The following C1QTNF12 variants were observed in gnomAD, a reference collection of about 807,000 sequenced individuals.
The protein encoded by C1QTNF12 is adipolin.
In C1QTNF12, 39 loss-of-function variants were observed where a neutral mutation model predicts 34.3. The observed-to-expected ratio is 1.14, with a 90% CI of 0.88 to 1.49. The LOEUF is 1.49. Among genes scored for constraint, C1QTNF12 ranks in the 40% most tolerant of loss-of-function variants. C1QTNF12 has a pLI of 0.00. For synonymous variants in C1QTNF12, 220 were observed against 196.9 expected, an observed-to-expected ratio of 1.12 and a Z score of -0.98; for missense variants, 497 against 424.7, an observed-to-expected ratio of 1.17 and a Z score of -1.50.
At position 1,243,432 on chromosome 1, in the gene C1QTNF12, C is replaced by T. The variant is rs1213563783; in HGVS notation, c.640+12G>A. The T allele has an allele frequency of 6.5e-7, 1 of 1,548,894 alleles. No individual in the cohort carries two copies. Among genetic ancestry groups the T allele is most frequent in the Admixed American group, 2.0e-5 (1 of 51,190 alleles). On this transcript the variant is annotated intron_variant, in intron 5 of 7. Transcript: ENST00000330388. ...CCCGTCACAGCACACGGCACTGCCC[C>T]ATCCGGCTCACCCACGTGCAGACTG...
chr1:1,243,874 G>T, intron 4 of C1QTNF12, 80 bp downstream of exon 4: 2 of 1,477,656 alleles, frequency 1.4e-6, no homozygotes, highest in Non-Finnish European at 9.2e-7. Flanking sequence ...TGCCCCATGA[G>T]TGTCAGGCGG....
rs1309090753 is a variant in C1QTNF12 at position 1,244,219 on chromosome 1, CAG to C, written c.349_350del (p.Leu117AlafsTer100). 5 of 1,595,196 alleles carry C rather than the reference CAG, an allele frequency of 3.1e-6. No individual in the cohort carries two copies. In the African/African-American group the frequency reaches 6.7e-5, roughly 21 times the overall value. On this transcript the variant is annotated frameshift_variant, in exon 3 of 8. Transcript: ENST00000330388. LOFTEE classifies it high-confidence loss of function. Reference sequence around the variant, plus strand: ...TCAGCAGCTCCTGAAACTCGTGAAGCAGAGTCTCCGCGGTCACTTCTGCACCT... The same window carrying C: ...TCAGCAGCTCCTGAAACTCGTGAAGCAGTCTCCGCGGTCACTTCTGCACCT... ...PPGAEVTAETLLHEFQELLKE... is the reference protein window; with the variant it reads ...PPGAEVTAETXLHEFQELLKE...
upstream of C1QTNF12, chr1:1,246,778 G>A (rs886770881): frequency 7.8e-6 from 8 of 1,030,338 alleles, no homozygotes; most frequent in Non-Finnish European, 9.8e-6. The surrounding 1 kb of genome is among the most constrained non-coding windows in gnomAD (Gnocchi z 4.5). Flanking sequence ...CCCCGCGCGG[G>A]GGCGAGGCCC....
rs1166704974 is a variant in C1QTNF12, at chr1:1,246,599, C to G, written c.92G>C (p.Arg31Thr). ...GGVGARREAQ[R>T]TQQPGQRADP... is the part of the protein sequence containing the mutation. ...TGCGCGCTGGCCAGGCTGCTGCGTCCTCTGTGCCTCCCGCCGGGCCCCGAC... is the reference window on the plus strand; with the variant it reads ...TGCGCGCTGGCCAGGCTGCTGCGTCGTCTGTGCCTCCCGCCGGGCCCCGAC... Residue 31 changes from arginine (R) to threonine (T), a missense_variant, in exon 1 of 8, where the codon AGG becomes ACG. Arg to Thr is a moderately conservative substitution (Grantham distance 71). Coordinates refer to ENST00000330388, the MANE Select transcript of C1QTNF12 (RefSeq NM_001014980.3). The surrounding 1 kb of genome is among the most constrained non-coding windows in gnomAD (Gnocchi z 4.5). 8.8e-6 allele frequency: 11 copies of G among 1,247,716 alleles called. No homozygotes were observed. The highest frequency in any genetic ancestry group is 1.1e-5 in the Non-Finnish European group (11 of 996,564). 77.3% of individuals were successfully genotyped at this position (1,247,716 alleles called of 1,614,324 possible).
upstream of C1QTNF12, chr1:1,246,811 G>A (rs1638905744): frequency 2.9e-6 from 2 of 692,880 alleles, no homozygotes; most frequent in Non-Finnish European, 3.9e-6. This position sits in a 1 kb window ranked among gnomAD's most constrained non-coding sequence, Gnocchi z 4.5. Flanking sequence ...GGCCTCCGCC[G>A]CTGCATGTCT....
Position 1,246,687 on chromosome 1 carries a change from G to T in C1QTNF12, c.4C>A (p.Arg2=), listed in dbSNP as rs555749885. The T allele has an allele frequency of 8.2e-6, 10 of 1,223,278 alleles. No individual in the cohort carries two copies. Among genetic ancestry groups the T allele is most frequent in the Non-Finnish European group, 1.0e-5 (10 of 982,526 alleles). The allele number at this position is 1,223,278 out of a possible 1,614,324, so 75.8% of individuals were successfully genotyped here. Residue 2 remains arginine, a synonymous_variant, in exon 1 of 8, where the codon CGG becomes AGG. Transcript: ENST00000330388. This position sits in a 1 kb window ranked among gnomAD's most constrained non-coding sequence, Gnocchi z 4.5. The part of the protein sequence containing the change: M[R]RWAWAAVVVL... ...ACGACCGCGGCCCAGGCCCAGCGCCGCATGGCTCCGTCCCGAGGCGGCTCA... is the reference window on the plus strand; with the variant it reads ...ACGACCGCGGCCCAGGCCCAGCGCCTCATGGCTCCGTCCCGAGGCGGCTCA...
At chr1:1,243,702 C>T in intron 4 of C1QTNF12, 150 bp from the exon 5 acceptor site, 1 of 802,598 alleles carries the variant, frequency 1.2e-6, no homozygotes, top group East Asian at 2.7e-5. Context: ...GCAGGACTGA[C>T]CCTCGAGTCC....
At chr1:1,244,569 G>A in intron 1 of C1QTNF12, 72 bp from the exon 2 acceptor site, 4 of 1,186,500 alleles carry the variant, frequency 3.4e-6, no homozygotes, top group South Asian at 1.2e-5. Flanking sequence ...GGGCAGCGGG[G>A]AGCACTCAGG....
At chr1:1,243,594 C>A in intron 4 of C1QTNF12, 42 bp from the exon 5 acceptor site, 1 of 1,492,564 alleles carries the variant, frequency 6.7e-7, no homozygotes, top group Non-Finnish European at 9.1e-7. Flanking sequence ...AGGGCCTGGC[C>A]CCCACCCCAC....
chr1:1,244,164 G>A (rs1236420675), intron 3 of C1QTNF12, 27 bp downstream of exon 3: 6 of 1,563,486 alleles, frequency 3.8e-6, no homozygotes, highest in Non-Finnish European at 4.3e-6. Context: ...GGCACGTCTG[G>A]TCTCTGGGCA....
At position 1,242,817 on chromosome 1, in the gene C1QTNF12, C is replaced by T. The variant is rs1208257350; in HGVS notation, c.810+18G>A. 1.2e-6 allele frequency: 2 copies of T among 1,611,848 alleles called. No individual in the cohort carries two copies. Among genetic ancestry groups the T allele is most frequent in the African/African-American group, 1.3e-5 (1 of 75,030 alleles). ...GAGTGCACCCGAGCCCTCCCGCTCA[C>T]ACCCGGCCCGGACTCACCTGCAGCT... is the stretch of plus-strand genomic sequence containing the variant. On this transcript the variant is annotated intron_variant, in intron 7 of 7. Coordinates refer to ENST00000330388, the MANE Select transcript of C1QTNF12 (RefSeq NM_001014980.3).
At position 1,246,568 on chromosome 1, in the gene C1QTNF12, G is replaced by A. The variant is rs1470300679; in HGVS notation, c.123C>T (p.Pro41=). 1.4e-5 allele frequency: 18 copies of A among 1,245,840 alleles called. No individual in the cohort carries two copies. The highest frequency in any genetic ancestry group is 3.1e-5 in the East Asian group (1 of 31,768). 77.2% of individuals were successfully genotyped at this position (1,245,840 alleles called of 1,614,324 possible). Residue 41 remains proline, a synonymous_variant, in exon 1 of 8, where the codon CCC becomes CCT. Coordinates refer to ENST00000330388, the MANE Select transcript of C1QTNF12 (RefSeq NM_001014980.3). The surrounding 1 kb of genome is among the most constrained non-coding windows in gnomAD (Gnocchi z 4.5). ...RTQQPGQRAD[P]PNATASASSR... ...AGGACGCGCTGGCGGTGGCGTTGGG[G>A]GGATCTGCGCGCTGGCCAGGCTGCT...
At chr1:1,246,777 G>T, upstream of C1QTNF12, 1 of 1,029,002 alleles carries the variant, frequency 9.7e-7, no homozygotes, top group Non-Finnish European at 1.2e-6. The surrounding 1 kb of genome is among the most constrained non-coding windows in gnomAD (Gnocchi z 4.5). Context: ...CCCCCGCGCG[G>T]GGGCGAGGCC....
intron 1 of C1QTNF12, among the ~76,000 whole-genome samples, chr1:1,245,883 C>A (rs1261543073): frequency 6.6e-6 from 1 of 152,200 alleles, no homozygotes; most frequent in African/African-American, 2.4e-5. Flanking sequence ...CTGGGGCCCA[C>A]GACGGCGGCA....
chr1:1,243,406 C>A (rs757822660), intron 5 of C1QTNF12, 38 bp downstream of exon 5: 40 of 1,525,054 alleles, frequency 2.6e-5, no homozygotes, highest in Admixed American at 9.9e-5. Flanking sequence ...TCAGCCCCAG[C>A]CCCGTCACAG....
chr1:1,244,054 C>T lies in C1QTNF12; in HGVS notation c.431G>A (p.Gly144Glu), dbSNP rs776317731. ...CTCGCCCACCAGCCGCAGGCCCGCC[C>T]CCTGGGGCAGCAGCGGGTCCAGAAG... ...SGLLDPLLPQ[G>E]AGLRLVGEAF... The change falls in exon 4 of 8, where the codon GGG (glycine) becomes GAG (glutamate). Residue 144 changes from glycine to glutamate, a missense_variant. Coordinates refer to ENST00000330388, the MANE Select transcript of C1QTNF12 (RefSeq NM_001014980.3). 1.9e-6 allele frequency: 3 copies of T among 1,599,574 alleles called. No individual in the cohort carries two copies. The highest frequency in any genetic ancestry group is 2.2e-5 in the East Asian group (1 of 44,482).
chr1:1,246,417 C>T lies in C1QTNF12; in HGVS notation c.177+97G>A. ...GGCCTCGAAAAGGGCGACCCGGAGG[C>T]AGAGCCGGCAGGGACAGAGCCTGCT... On this transcript the variant is annotated intron_variant, in intron 1 of 7. Transcript: ENST00000330388. This position sits in a 1 kb window ranked among gnomAD's most constrained non-coding sequence, Gnocchi z 4.5. 9.4e-7 allele frequency: 1 copy of T among 1,069,150 alleles called. No homozygotes were observed. Among genetic ancestry groups the T allele is most frequent in the Non-Finnish European group, 1.2e-6 (1 of 841,012 alleles). The allele number at this position is 1,069,150 out of a possible 1,614,324, so 66.2% of individuals were successfully genotyped here.
rs1187921410 is a variant in C1QTNF12 at position 1,243,916 on chromosome 1, C to T, written c.531+38G>A. On this transcript the variant is annotated intron_variant, in intron 4 of 7. Coordinates refer to ENST00000330388, the MANE Select transcript of C1QTNF12 (RefSeq NM_001014980.3). ...TGGTCCCGTCTTGCCTGTGGGGCCC[C>T]ACCCAACACCCCGCTCTAAGCTCCC... The T allele has an allele frequency of 1.9e-6, 3 of 1,583,864 alleles. No individual in the cohort carries two copies. The African/African-American group carries it at 4.1e-5, about 21-fold the overall frequency.
upstream of C1QTNF12, among the ~76,000 whole-genome samples, chr1:1,247,144 G>T (rs1638915229): frequency 2.0e-5 from 3 of 152,094 alleles, no homozygotes; most frequent in Admixed American, 2.0e-4. Flanking sequence ...CCTCATTCTG[G>T]GAACCGTGAA....
Sources: gnomAD v4.1 joint callset for allele counts (sites outside exome capture counted in the v4.1 genomes callset) on GRCh38, gnomAD v4.1.1 for gene constraint, Gnocchi (gnomAD v3.1) non-coding constraint, MANE v1.5 for transcripts, NCBI Gene and HGNC (gene_info 2026-07-23, HGNC 2026-07-21) for gene names.